MED13L: variants seen among roughly 807,000 people sequenced by gnomAD.
MED13L encodes the protein mediator complex subunit 13L, also known as mediator of RNA polymerase II transcription subunit 13-like.
MED13L carries 7 observed loss-of-function variants against 220.9 expected under a neutral mutation model. The observed-to-expected ratio is 0.03, with a 90% CI of 0.02 to 0.06. The LOEUF is 0.06. Ranked by LOEUF, MED13L falls within the 10% of genes least tolerant of loss-of-function variation. The probability of loss-of-function intolerance (pLI) is 1.00; values close to 1 mark genes in which losing one functional copy is unlikely to be tolerated. For missense variants in MED13L, 1,965 were observed against 2,760.5 expected (o/e 0.71, Z 6.46); for synonymous variants, 1,011 against 1,015.2 (o/e 1.00, Z 0.08).
chr12:115,961,150 A>C lies in MED13L; in HGVS notation c.*116T>G. 7.5e-7 allele frequency: 1 copy of C among 1,333,962 alleles called. No homozygotes were observed. Among genetic ancestry groups the C allele is most frequent in the Non-Finnish European group, 1.1e-6 (1 of 934,448 alleles). The allele number at this position is 1,333,962 out of a possible 1,614,324, so 82.6% of individuals were successfully genotyped here. A position where few individuals can be genotyped will look rare whatever the true frequency, so the allele number is the denominator to read the frequency against. On this transcript the variant is annotated 3_prime_UTR_variant, in exon 31 of 31. Coordinates refer to ENST00000281928, the MANE Select transcript of MED13L (RefSeq NM_015335.5). ...TGCTGAGAAGGAATCACAGTGCAGG[A>C]CTGTGGAGAGTGGTCTGAAGAAAAG...
At chr12:115,982,722 G>GT (rs1371819738) in intron 21 of MED13L, 119 bp from the exon 22 acceptor site, 5 of 965,728 alleles carry the variant, frequency 5.2e-6, no homozygotes, top group Non-Finnish European at 8.0e-6. Flanking sequence ...CAGATTAAAG[G>GT]TAAGAGTAAC....
chr12:116,011,711 T>C (rs555576692), intron 9 of MED13L, among the ~76,000 whole-genome samples: 24 of 152,320 alleles, frequency 1.6e-4, no homozygotes, highest in African/African-American at 5.3e-4. Flanking sequence ...GAACCCTTAA[T>C]GAGCAAGCAA....
intron 2 of MED13L, among the ~76,000 whole-genome samples, chr12:116,209,683 A>AT (rs975626238): frequency 3.3e-5 from 5 of 152,160 alleles, no homozygotes; most frequent in Non-Finnish European, 7.3e-5. Flanking sequence ...GAGTGGTCAG[A>AT]TAACTATTAG....
chr12:116,077,254 C>T (rs1870875014), intron 4 of MED13L, among the ~76,000 whole-genome samples: 1 of 152,154 alleles, frequency 6.6e-6, no homozygotes, highest in African/African-American at 2.4e-5. Flanking sequence ...ATGCTTATGT[C>T]TTATCTTCAT....
At chr12:115,993,402 G>A (rs1301061950) in intron 16 of MED13L, among the ~76,000 whole-genome samples, 1 of 152,104 alleles carries the variant, frequency 6.6e-6, no homozygotes, top group Non-Finnish European at 1.5e-5. Context: ...TACTTATAAT[G>A]TGAAAGAAGC....
At position 116,019,899 on chromosome 12, in the gene MED13L, A is replaced by G. The variant is rs188114653; in HGVS notation, c.699T>C (p.Arg233=). The change falls in exon 6 of 31, where the codon CGT becomes CGC. Residue 233 remains arginine (R), a synonymous_variant. Coordinates refer to ENST00000281928, the MANE Select transcript of MED13L (RefSeq NM_015335.5). Reference sequence around the variant, plus strand: ...AATACTGCCATTCCTCAATCAACTTACGAGTGGCTGGGTCTGACATCTTGT... The same window carrying G: ...AATACTGCCATTCCTCAATCAACTTGCGAGTGGCTGGGTCTGACATCTTGT... ...QAYKMSDPAT[R]KLIEEWQYFY... 35 of 1,613,684 alleles carry G rather than the reference A, an allele frequency of 2.2e-5. No individual in the cohort carries two copies. The East Asian group carries it at 7.1e-4, about 33-fold the overall frequency.
intron 4 of MED13L, among the ~76,000 whole-genome samples, chr12:116,024,307 T>C (rs538522627): frequency 2.0e-5 from 3 of 152,132 alleles, no homozygotes; most frequent in African/African-American, 7.2e-5. Context: ...TGAAAACACA[T>C]GAATAAAATA....
At chr12:116,105,373 A>G (rs1392430808) in intron 3 of MED13L, among the ~76,000 whole-genome samples, 1 of 152,222 alleles carries the variant, frequency 6.6e-6, no homozygotes, top group African/African-American at 2.4e-5. Flanking sequence ...TAAAAACTAC[A>G]TTTTATCATT....
At chr12:116,257,674 A>G (rs912040517) in intron 1 of MED13L, among the ~76,000 whole-genome samples, 9 of 152,222 alleles carry the variant, frequency 5.9e-5, no homozygotes, top group Non-Finnish European at 1.0e-4. Context: ...TTAAATAAGC[A>G]TATGATTGTG....
intron 7 of MED13L, among the ~76,000 whole-genome samples, chr12:116,016,928 A>C (rs1264667062): frequency 2.6e-5 from 4 of 152,216 alleles, no homozygotes; most frequent in Non-Finnish European, 5.9e-5. Context: ...TTTAGACGGC[A>C]AAGTAGCCCA....
intron 2 of MED13L, among the ~76,000 whole-genome samples, chr12:116,161,385 T>C (rs1476939822): frequency 6.6e-6 from 1 of 152,142 alleles, no homozygotes; most frequent in Non-Finnish European, 1.5e-5. Context: ...TATATATATA[T>C]ACACTTCCCA....
At chr12:116,109,411 T>TTCTA (rs1308534672) in intron 3 of MED13L, among the ~76,000 whole-genome samples, 1 of 152,158 alleles carries the variant, frequency 6.6e-6, no homozygotes, top group Non-Finnish European at 1.5e-5. Context: ...TTTTCTGCTC[T>TTCTA]TCTAATTGTC....
chr12:116,049,518 T>C (rs1017328807), intron 4 of MED13L, among the ~76,000 whole-genome samples: 5 of 152,130 alleles, frequency 3.3e-5, no homozygotes, highest in Non-Finnish European at 7.4e-5. Flanking sequence ...AAGAAAAAAA[T>C]GATAGATGAA....
chr12:116,131,834 A>T (rs1386667693), intron 2 of MED13L, among the ~76,000 whole-genome samples: 1 of 152,116 alleles, frequency 6.6e-6, no homozygotes, highest in African/African-American at 2.4e-5. Flanking sequence ...CAAAAAAGTT[A>T]GCTGGGAGTG....
chr12:116,197,784 A>G (rs1220433282), intron 2 of MED13L, among the ~76,000 whole-genome samples: 3 of 149,930 alleles, frequency 2.0e-5, no homozygotes, highest in Non-Finnish European at 4.5e-5. Flanking sequence ...AAAAAAAGGA[A>G]AAAAAAAAAG....
rs1173196797 is a variant in MED13L, at chr12:116,031,675, A to AAAAAGAAAAGAAAAG, written c.480-9089_480-9075dup. Among the ~76,000 whole-genome samples the AAAAAGAAAAGAAAAG allele has an allele frequency of 7.0e-4, 48 of 68,110 alleles. 2 individuals are homozygous for AAAAAGAAAAGAAAAG. The highest frequency in any genetic ancestry group is 1.2e-3 in the East Asian group (3 of 2,414). The allele number at this position is 68,110 out of a possible 152,430, so 44.7% of individuals were successfully genotyped here. On this transcript the variant is annotated intron_variant, in intron 4 of 30. Transcript: ENST00000281928. ...GGACGGGACGGGACGGGAGAAAAGA[A>AAAAAGAAAAGAAAAG]AAAAGAAAAGAAAAGAAAAGAAAAG...
intron 2 of MED13L, among the ~76,000 whole-genome samples, chr12:116,128,239 G>GAA (rs1001827898): frequency 6.6e-6 from 1 of 152,152 alleles, no homozygotes; most frequent in African/African-American, 2.4e-5. Flanking sequence ...CTTCCACAGA[G>GAA]AAAAACATTG....
intron 2 of MED13L, among the ~76,000 whole-genome samples, chr12:116,195,775 A>T (rs1881586905): frequency 6.6e-6 from 1 of 152,030 alleles, no homozygotes; most frequent in Non-Finnish European, 1.5e-5. Context: ...AATTTCTTTT[A>T]TAAAGGGAAA....
chr12:116,201,276 T>G (rs1024736817), intron 2 of MED13L, among the ~76,000 whole-genome samples: 2 of 152,152 alleles, frequency 1.3e-5, no homozygotes, highest in African/African-American at 4.8e-5. Context: ...CAAGATTAGA[T>G]CAGGTAAGCC....
Sources: gnomAD v4.1 joint callset for allele counts (sites outside exome capture counted in the v4.1 genomes callset) on GRCh38, gnomAD v4.1.1 for gene constraint, MANE v1.5 for transcripts, NCBI Gene and HGNC (gene_info 2026-07-23, HGNC 2026-07-21) for gene names.